The following RPRD1B variants were observed in gnomAD, a reference collection of about 807,000 sequenced individuals.
RPRD1B encodes the protein regulation of nuclear pre-mRNA domain containing 1B.
A neutral mutation model predicts 41.5 loss-of-function variants in RPRD1B; 11 were observed. The ratio of observed to expected loss-of-function variants is 0.27; its 90% CI spans 0.17 to 0.44. RPRD1B has a LOEUF of 0.44. Among genes scored for constraint, RPRD1B ranks in the 20% least tolerant of loss-of-function variants. The pLI is 1.00. For missense variants in RPRD1B, 248 were observed against 389.9 expected (o/e 0.64, Z 3.06); for synonymous variants, 158 against 155.6 (o/e 1.02, Z -0.12).
chr20:38,036,298 G>A (rs917266213), intron 1 of RPRD1B, among the ~76,000 whole-genome samples: 7 of 152,204 alleles, frequency 4.6e-5, no homozygotes, highest in Non-Finnish European at 1.0e-4. Context: ...TAGGACATGA[G>A]CCCAGGGCTG....
Position 38,048,339 on chromosome 20 carries a change from T to C in RPRD1B, c.282-9T>C, listed in dbSNP as rs757059132. The C allele has an allele frequency of 6.2e-6, 10 of 1,610,732 alleles. No homozygotes were observed. In the East Asian group the frequency reaches 2.2e-4, roughly 36 times the overall value. ...AGCTTATATATATCTTTTCATCTTT[T>C]CTGGGCAGAGAGGCAGATGAAGGCT... is the stretch of plus-strand genomic sequence containing the variant. On this transcript the variant is annotated splice_polypyrimidine_tract_variant and intron_variant, in intron 2 of 6. Transcript: ENST00000373433.
intron 5 of RPRD1B, among the ~76,000 whole-genome samples, chr20:38,065,526 T>A (rs2074345952): frequency 6.6e-6 from 1 of 152,246 alleles, no homozygotes; most frequent in Non-Finnish European, 1.5e-5. Context: ...CTTTAAATAC[T>A]CTCTAGATTA....
chr20:38,060,274 T>TA (rs1199559994), intron 5 of RPRD1B, among the ~76,000 whole-genome samples: 3 of 152,174 alleles, frequency 2.0e-5, no homozygotes, highest in African/African-American at 7.2e-5. Flanking sequence ...TTCCTCCCCT[T>TA]ACAAAAGCTC....
At chr20:38,060,929 C>T (rs1313764559) in intron 5 of RPRD1B, among the ~76,000 whole-genome samples, 1 of 152,014 alleles carries the variant, frequency 6.6e-6, no homozygotes, top group African/African-American at 2.4e-5. Context: ...AATCCCTAAA[C>T]AGGTTAAATC....
chr20:38,058,084 A>G (rs1401248717), intron 4 of RPRD1B, among the ~76,000 whole-genome samples: 2 of 152,118 alleles, frequency 1.3e-5, no homozygotes, highest in African/African-American at 4.8e-5. Flanking sequence ...ATATTGAAAC[A>G]AGGAGTTAGT....
intron 2 of RPRD1B, among the ~76,000 whole-genome samples, chr20:38,042,056 A>G (rs1467324550): frequency 6.6e-6 from 1 of 152,184 alleles, no homozygotes; most frequent in South Asian, 2.1e-4. Flanking sequence ...AAATGAGTTA[A>G]TTAATGTTAA....
At chr20:38,084,077 T>G (rs2074538849) in intron 6 of RPRD1B, 1 of 152,338 alleles carries the variant, frequency 6.6e-6, no homozygotes, top group South Asian at 2.1e-4. Flanking sequence ...GCTGTGCTTC[T>G]CAAGTGTAGG....
At position 38,066,135 on chromosome 20, in the gene RPRD1B, T is replaced by C. The variant is rs532744102; in HGVS notation, c.710T>C (p.Leu237Pro). 6.2e-7 allele frequency: 1 copy of C among 1,614,236 alleles called. No homozygotes were observed. The highest frequency in any genetic ancestry group is 1.3e-5 in the African/African-American group (1 of 75,060). The change falls in exon 6 of 7, where the codon CTA becomes CCA. Residue 237 changes from leucine to proline, a missense_variant. Physicochemically the swap from Leu to Pro is moderately conservative, Grantham distance 98. This residue lies in a region of RPRD1B where 93 missense variants were observed against 167.2 expected (regional missense o/e 0.56). Coordinates refer to ENST00000373433, the MANE Select transcript of RPRD1B (RefSeq NM_021215.4). The stretch of plus-strand genomic sequence containing the variant: ...ACAGTAGATGAAGCATGTCTGTTAC[T>C]AGCAGAATATAACGGGCGCCTGGCA... Reference protein sequence around the residue: ...SKTVDEACLLLAEYNGRLAAE... With the variant: ...SKTVDEACLLPAEYNGRLAAE...
At chr20:38,074,461 G>A (rs1383164740) in intron 6 of RPRD1B, among the ~76,000 whole-genome samples, 1 of 152,172 alleles carries the variant, frequency 6.6e-6, no homozygotes, top group African/African-American at 2.4e-5. Context: ...GCCAACATTT[G>A]AGACTTTGAG....
At chr20:38,041,452 G>T (rs919405371) in intron 2 of RPRD1B, among the ~76,000 whole-genome samples, 2 of 152,292 alleles carry the variant, frequency 1.3e-5, no homozygotes, top group Admixed American at 1.3e-4. Context: ...CCAAGAGAAA[G>T]AAATGACACC....
chr20:38,063,033 C>G (rs1455270548), intron 5 of RPRD1B, among the ~76,000 whole-genome samples: 1 of 152,000 alleles, frequency 6.6e-6, no homozygotes, highest in African/African-American at 2.4e-5. Flanking sequence ...TCTGTTACCG[C>G]AAGACTTTTA....
chr20:38,073,217 A>C (rs2074428452), intron 6 of RPRD1B, among the ~76,000 whole-genome samples: 1 of 152,208 alleles, frequency 6.6e-6, no homozygotes, highest in Non-Finnish European at 1.5e-5. Flanking sequence ...GGGGTCATAA[A>C]ATGATTGCAT....
intron 6 of RPRD1B, among the ~76,000 whole-genome samples, chr20:38,071,389 T>C (rs2074411640): frequency 6.6e-6 from 1 of 152,242 alleles, no homozygotes; most frequent in South Asian, 2.1e-4. Flanking sequence ...ATCTCTTTTA[T>C]GGTAGAACAC....
intron 3 of RPRD1B, among the ~76,000 whole-genome samples, chr20:38,051,022 C>A (rs2074179729): frequency 6.6e-6 from 1 of 152,138 alleles, no homozygotes; most frequent in African/African-American, 2.4e-5. Flanking sequence ...ATGGGTAATT[C>A]TTTGTCTTCA....
At chr20:38,066,932 G>T (rs556341735) in intron 6 of RPRD1B, among the ~76,000 whole-genome samples, 1 of 152,302 alleles carries the variant, frequency 6.6e-6, no homozygotes, top group African/African-American at 2.4e-5. Flanking sequence ...TGGGATTACA[G>T]GTGTGAGCCA....
At chr20:38,063,529 C>A (rs2074322058) in intron 5 of RPRD1B, among the ~76,000 whole-genome samples, 1 of 152,178 alleles carries the variant, frequency 6.6e-6, no homozygotes, top group African/African-American at 2.4e-5. Flanking sequence ...GGTGGCTACA[C>A]TTCTCTGAAA....
chr20:38,079,437 GGT>G (rs753748616), intron 6 of RPRD1B, among the ~76,000 whole-genome samples: 8 of 151,892 alleles, frequency 5.3e-5, no homozygotes, highest in Non-Finnish European at 7.4e-5. Flanking sequence ...AGTAGTCCCG[GGT>G]GTCTTATTTT....
At chr20:38,048,211 C>T (rs549388283) in intron 2 of RPRD1B, 137 bp from the exon 3 acceptor site, 1 of 855,896 alleles carries the variant, frequency 1.2e-6, no homozygotes, top group Admixed American at 3.1e-5. Flanking sequence ...CCAGGTATTA[C>T]AATATGTACC....
At chr20:38,083,479 C>T (rs985522150) in intron 6 of RPRD1B, among the ~76,000 whole-genome samples, 1 of 152,158 alleles carries the variant, frequency 6.6e-6, no homozygotes, top group Non-Finnish European at 1.5e-5. Flanking sequence ...TTTTCATTCT[C>T]CCCTTGCTTC....
Sources: allele counts gnomAD v4.1 joint callset (sites outside exome capture counted in the v4.1 genomes callset), GRCh38; gene constraint gnomAD v4.1.1; regional missense constraint gnomAD v4.1.1; transcripts MANE v1.5; gene names NCBI Gene and HGNC (gene_info 2026-07-23, HGNC 2026-07-21).